Variants in CSMD1 observed in about 807,000 individuals in gnomAD.
CSMD1 encodes CUB and sushi domain-containing protein 1.
A neutral mutation model predicts 417.5 loss-of-function variants in CSMD1; 213 were observed. The observed-to-expected ratio is 0.51, with a 90% CI of 0.46 to 0.57. The LOEUF (loss-of-function observed/expected upper bound fraction) is 0.57, where lower values mean the gene tolerates loss of function less well. Among genes scored for constraint, CSMD1 ranks in the 20% least tolerant of loss-of-function variants. CSMD1 has a pLI of 0.00. For synonymous variants in CSMD1, 2,862 were observed against 1,736.8 expected (o/e 1.65, Z -16.11); for missense variants, 6,923 against 4,529.7 (o/e 1.53, Z -15.17).
At chr8:3,983,858 C>G (rs748839546) in intron 5 of CSMD1, among the ~76,000 whole-genome samples, 2 of 151,720 alleles carry the variant, frequency 1.3e-5, no homozygotes, top group African/African-American at 2.4e-5. Flanking sequence ...AATTGCAACT[C>G]TAGAGCACAC....
chr8:3,418,911 C>T (rs911519320), intron 12 of CSMD1, among the ~76,000 whole-genome samples: 2 of 152,146 alleles, frequency 1.3e-5, no homozygotes, highest in South Asian at 2.1e-4. Context: ...TAATGAGAAG[C>T]ACCTCAGAAT....
At chr8:3,905,924 T>A (rs1281420927) in intron 5 of CSMD1, among the ~76,000 whole-genome samples, 1 of 152,230 alleles carries the variant, frequency 6.6e-6, no homozygotes, top group Non-Finnish European at 1.5e-5. Flanking sequence ...GGCCAATTTA[T>A]AACCATGTTT....
chr8:3,304,569 G>A (rs1001116891), intron 25 of CSMD1, among the ~76,000 whole-genome samples: 3 of 152,082 alleles, frequency 2.0e-5, no homozygotes, highest in African/African-American at 2.4e-5. Context: ...CTCTTAAGCT[G>A]CTTATTGGGA....
At chr8:4,760,722 T>A (rs1811984558) in intron 1 of CSMD1, among the ~76,000 whole-genome samples, 1 of 152,184 alleles carries the variant, frequency 6.6e-6, no homozygotes, top group African/African-American at 2.4e-5. Flanking sequence ...GTGTATTTTG[T>A]AATAATGATT....
chr8:4,559,259 A>C (rs1264659039), intron 2 of CSMD1, among the ~76,000 whole-genome samples: 2 of 152,190 alleles, frequency 1.3e-5, no homozygotes, highest in African/African-American at 4.8e-5. Flanking sequence ...AATGAAAACA[A>C]AAGTCCAAAC....
At chr8:3,491,392 G>A (rs974927899) in intron 11 of CSMD1, among the ~76,000 whole-genome samples, 4 of 152,094 alleles carry the variant, frequency 2.6e-5, no homozygotes, top group African/African-American at 7.2e-5. Context: ...ATCAAATAAG[G>A]TAAAATGTAT....
chr8:3,827,327 A>T (rs956804585), intron 5 of CSMD1, among the ~76,000 whole-genome samples: 3 of 152,222 alleles, frequency 2.0e-5, no homozygotes, highest in African/African-American at 7.2e-5. Context: ...TAAAAGAATT[A>T]AACAAAATTA....
chr8:4,543,691 A>C (rs1797504196), intron 2 of CSMD1, among the ~76,000 whole-genome samples: 1 of 148,964 alleles, frequency 6.7e-6, no homozygotes, highest in African/African-American at 2.4e-5. Flanking sequence ...AAAAAAAAAA[A>C]AAAAAAAAAC....
At chr8:3,456,444 C>T (rs1296695383) in intron 12 of CSMD1, among the ~76,000 whole-genome samples, 1 of 152,182 alleles carries the variant, frequency 6.6e-6, no homozygotes, top group Non-Finnish European at 1.5e-5. Flanking sequence ...GGCTCCACCC[C>T]TTACTCTCCT....
intron 23 of CSMD1, among the ~76,000 whole-genome samples, chr8:3,309,517 G>C (rs952206739): frequency 1.3e-5 from 2 of 151,582 alleles, no homozygotes; most frequent in African/African-American, 4.9e-5. Flanking sequence ...AGTACTGAGA[G>C]CTGTATATTC....
intron 2 of CSMD1, among the ~76,000 whole-genome samples, chr8:4,521,927 C>T (rs185076024): frequency 2.6e-4 from 39 of 152,294 alleles, no homozygotes; most frequent in Middle Eastern, 3.4e-3. Context: ...AAGATGTGTA[C>T]ATTTTAAGGG....
In CSMD1 at chr8:4,434,612, T is replaced by A. The variant is rs539007395; in HGVS notation, c.303-14547A>T. ...CAGTCAATGAAGCTAATCCAAAATTTCCACCCAATTAAAGACAGAGTAACA... is the reference window on the plus strand; with the variant it reads ...CAGTCAATGAAGCTAATCCAAAATTACCACCCAATTAAAGACAGAGTAACA... On this transcript the variant is annotated intron_variant, in intron 2 of 69. Transcript: ENST00000635120. Among the ~76,000 whole-genome samples the A allele has an allele frequency of 1.6e-3, 249 of 152,236 alleles. 1 individual carries two copies. The highest frequency in any genetic ancestry group is 5.3e-3 in the African/African-American group (221 of 41,534).
At chr8:3,750,226 G>A (rs1279055646) in intron 6 of CSMD1, among the ~76,000 whole-genome samples, 2 of 151,914 alleles carry the variant, frequency 1.3e-5, no homozygotes, top group African/African-American at 4.8e-5. Flanking sequence ...GACCATAAAT[G>A]ATAAACGTGA....
intron 3 of CSMD1, among the ~76,000 whole-genome samples, chr8:4,274,957 A>C (rs1240934936): frequency 6.6e-6 from 1 of 152,204 alleles, no homozygotes; most frequent in Non-Finnish European, 1.5e-5. Context: ...CCATCAACAA[A>C]CATGCTTGTA....
At chr8:4,053,625 T>A (rs1360338635) in intron 3 of CSMD1, among the ~76,000 whole-genome samples, 1 of 152,158 alleles carries the variant, frequency 6.6e-6, no homozygotes, top group Non-Finnish European at 1.5e-5. Context: ...ACTACAGATT[T>A]CATTTGTCTT....
At chr8:4,453,924 G>C (rs545669825) in intron 2 of CSMD1, among the ~76,000 whole-genome samples, 214 of 139,148 alleles carry the variant, frequency 1.5e-3, no homozygotes, top group African/African-American at 4.9e-3. Context: ...CAGGTTCACA[G>C]CATTCTCCTG....
intron 6 of CSMD1, among the ~76,000 whole-genome samples, chr8:3,724,264 T>G (rs1419558815): frequency 6.6e-6 from 1 of 152,176 alleles, no homozygotes; most frequent in East Asian, 1.9e-4. Flanking sequence ...TAGTTACATA[T>G]GTATACATGT....
intron 3 of CSMD1, among the ~76,000 whole-genome samples, chr8:4,097,891 C>G (rs989947131): frequency 3.9e-5 from 6 of 152,224 alleles, no homozygotes; most frequent in Non-Finnish European, 5.9e-5. Context: ...GGGGCTTCAT[C>G]AGCTGAACAT....
chr8:4,028,223 C>T (rs1307189063), intron 4 of CSMD1, among the ~76,000 whole-genome samples: 1 of 152,250 alleles, frequency 6.6e-6, no homozygotes, highest in African/African-American at 2.4e-5. Context: ...AGGAATAATT[C>T]AAATACGATT....
Sources: gnomAD v4.1 joint callset for allele counts (sites outside exome capture counted in the v4.1 genomes callset) on GRCh38, gnomAD v4.1.1 for gene constraint, MANE v1.5 for transcripts, NCBI Gene and HGNC (gene_info 2026-07-23, HGNC 2026-07-21) for gene names.